The following GRM5 variants were observed in gnomAD, a reference collection of about 807,000 sequenced individuals.
GRM5 encodes the protein metabotropic glutamate receptor 5.
GRM5 carries 19 observed loss-of-function variants against 83.1 expected under a neutral mutation model. The ratio of observed to expected loss-of-function variants is 0.23; its 90% CI spans 0.16 to 0.34. The LOEUF (loss-of-function observed/expected upper bound fraction) is 0.34. Ranked by LOEUF, GRM5 falls within the 10% of genes least tolerant of loss-of-function variation. The pLI is 1.00. For synonymous variants in GRM5, 675 were observed against 633.6 expected (o/e 1.07, Z -0.98); for missense variants, 1,160 against 1,588.3 (o/e 0.73, Z 4.58).
At position 88,882,248 on chromosome 11, in the gene GRM5, G is replaced by GTAAGTAAATAAA. The variant is rs1555033917; in HGVS notation, c.662-32094_662-32093insTTTATTTACTTA. On this transcript the variant is annotated intron_variant, in intron 2 of 9. Transcript: ENST00000305447. The stretch of plus-strand genomic sequence containing the variant: ...TGACACTCTGAATCAAAATAAGTAA[G>GTAAGTAAATAAA]TAAATAAATAAATAAATAAATAATA... Among the ~76,000 whole-genome samples, 392 of 143,982 alleles carry GTAAGTAAATAAA rather than the reference G, an allele frequency of 2.7e-3. 2 individuals are homozygous for GTAAGTAAATAAA. The highest frequency in any genetic ancestry group is 7.2e-3 in the Middle Eastern group (2 of 278). 94.5% of individuals were successfully genotyped at this position (143,982 alleles called of 152,430 possible). A position where few individuals can be genotyped will look rare whatever the true frequency, so the allele number is the denominator to read the frequency against.
At chr11:88,875,416 A>G (rs1386470127) in intron 2 of GRM5, among the ~76,000 whole-genome samples, 1 of 151,988 alleles carries the variant, frequency 6.6e-6, no homozygotes, top group Non-Finnish European at 1.5e-5. Flanking sequence ...CCACATCTGT[A>G]GTTAATTCTT....
intron 3 of GRM5, among the ~76,000 whole-genome samples, chr11:88,722,616 A>G (rs1941573941): frequency 6.6e-6 from 1 of 152,178 alleles, no homozygotes; most frequent in Non-Finnish European, 1.5e-5. Flanking sequence ...AAAAAGCTAG[A>G]CATATACTAT....
intron 2 of GRM5, among the ~76,000 whole-genome samples, chr11:89,017,122 A>G (rs1940878319): frequency 6.6e-6 from 1 of 152,134 alleles, no homozygotes; most frequent in Non-Finnish European, 1.5e-5. Flanking sequence ...CATAGAATAA[A>G]CTATATATAA....
At chr11:88,811,259 C>T (rs1030548594) in intron 3 of GRM5, among the ~76,000 whole-genome samples, 5 of 151,928 alleles carry the variant, frequency 3.3e-5, no homozygotes, top group African/African-American at 1.2e-4. Context: ...TTTTGGAAAA[C>T]ATTCTGAACA....
chr11:89,053,221 A>T (rs149911989), intron 1 of GRM5, among the ~76,000 whole-genome samples: 2,068 of 152,296 alleles, frequency 0.014, 52 homozygotes, highest in African/African-American at 0.046. Context: ...GTTATCTAGT[A>T]CAAGTGTATT....
At chr11:88,983,055 A>C (rs1388098771) in intron 2 of GRM5, among the ~76,000 whole-genome samples, 1 of 150,918 alleles carries the variant, frequency 6.6e-6, no homozygotes, top group Non-Finnish European at 1.5e-5. Context: ...AACGAGAGCG[A>C]AACTCCGTCA....
chr11:88,562,397 T>C (rs1942777597), intron 8 of GRM5, among the ~76,000 whole-genome samples: 1 of 152,282 alleles, frequency 6.6e-6, no homozygotes, highest in Admixed American at 6.5e-5. Flanking sequence ...CATGAAACAA[T>C]AGGCAAGTAT....
At chr11:88,814,886 T>A (rs1943644566) in intron 3 of GRM5, among the ~76,000 whole-genome samples, 1 of 152,134 alleles carries the variant, frequency 6.6e-6, no homozygotes, top group Non-Finnish European at 1.5e-5. Flanking sequence ...AGTAGTAGAA[T>A]AATCCTAATC....
chr11:89,000,089 G>C (rs1039311103), intron 2 of GRM5, among the ~76,000 whole-genome samples: 1 of 152,132 alleles, frequency 6.6e-6, no homozygotes, highest in African/African-American at 2.4e-5. Flanking sequence ...GGCCTGTTGT[G>C]GGGTGAGGGG....
At chr11:89,019,498 C>G (rs1248352311) in intron 2 of GRM5, among the ~76,000 whole-genome samples, 1 of 150,966 alleles carries the variant, frequency 6.6e-6, no homozygotes, top group African/African-American at 2.4e-5. Context: ...AGTTCAAGAC[C>G]AGCCTGACCA....
chr11:88,699,732 C>T (rs943624676), intron 3 of GRM5, among the ~76,000 whole-genome samples: 1 of 90,222 alleles, frequency 1.1e-5, no homozygotes, highest in Non-Finnish European at 2.3e-5. Flanking sequence ...CTAGTAGACA[C>T]TAATTTGCTG....
At position 88,507,098 on chromosome 11, in the gene GRM5, T is replaced by C. The variant is rs1941201129; in HGVS notation, c.*1494A>G. On this transcript the variant is annotated 3_prime_UTR_variant, in exon 10 of 10. Coordinates refer to ENST00000305447, the MANE Select transcript of GRM5 (RefSeq NM_001143831.3). ...AGAAAGAGATGACAGTGGATTCAGG[T>C]CTTGAACTATGAATTCTACCTATTT... 2.0e-5 allele frequency: 3 copies of C among 152,166 alleles called. No individual in the cohort carries two copies. Among genetic ancestry groups the C allele is most frequent in the East Asian group, 3.8e-4 (2 of 5,196 alleles). 9.4% of individuals were successfully genotyped at this position (152,166 alleles called of 1,614,324 possible).
chr11:88,625,844 A>G (rs996076333), intron 4 of GRM5, among the ~76,000 whole-genome samples: 1 of 152,172 alleles, frequency 6.6e-6, no homozygotes, highest in Admixed American at 6.5e-5. Flanking sequence ...CACAAATCCA[A>G]ACTCTTCCTA....
chr11:88,897,454 G>A (rs1007176741), intron 2 of GRM5, among the ~76,000 whole-genome samples: 4 of 151,734 alleles, frequency 2.6e-5, no homozygotes, highest in Admixed American at 6.6e-5. Flanking sequence ...CATGTTTTGG[G>A]CAACTACTCT....
intron 8 of GRM5, among the ~76,000 whole-genome samples, chr11:88,549,699 C>A (rs1055830753): frequency 6.6e-6 from 1 of 151,878 alleles, no homozygotes; most frequent in African/African-American, 2.4e-5. Context: ...CTTGATGTAG[C>A]AGACTGGTGG....
At chr11:88,856,930 T>C (rs1944488303) in intron 2 of GRM5, among the ~76,000 whole-genome samples, 1 of 152,080 alleles carries the variant, frequency 6.6e-6, no homozygotes, top group African/African-American at 2.4e-5. Flanking sequence ...CAAAGACTGA[T>C]TGTGTAACAC....
chr11:88,942,333 GGGATATATGAGTATATATTGTAC>G (rs1938143059), intron 2 of GRM5, among the ~76,000 whole-genome samples: 1 of 152,000 alleles, frequency 6.6e-6, no homozygotes, highest in African/African-American at 2.4e-5. Flanking sequence ...AGCTTGGTGA[GGGATATATGAGTATATATTGTAC>G]CATTCTTTCA....
rs571883467 is a variant in GRM5, at chr11:88,819,982, G to A, written c.911+29924C>T. Among the ~76,000 whole-genome samples the A allele has an allele frequency of 5.7e-4, 87 of 152,206 alleles. 1 individual carries two copies. The South Asian group carries it at 0.018, about 31-fold the overall frequency. The stretch of plus-strand genomic sequence containing the variant: ...TAATTAATCTATTCATGAGCTCAAA[G>A]CCCTTATGACCTAATCACCTCTTAA... On this transcript the variant is annotated intron_variant, in intron 3 of 9. Coordinates refer to ENST00000305447, the MANE Select transcript of GRM5 (RefSeq NM_001143831.3).
intron 9 of GRM5, among the ~76,000 whole-genome samples, chr11:88,520,635 T>A (rs2135097544): frequency 6.6e-6 from 1 of 152,062 alleles, no homozygotes; most frequent in South Asian, 2.1e-4. Context: ...CATATCTTGG[T>A]CATCCATTTA....
Sources: allele counts gnomAD v4.1 joint callset (sites outside exome capture counted in the v4.1 genomes callset), GRCh38; gene constraint gnomAD v4.1.1; transcripts MANE v1.5; gene names NCBI Gene and HGNC (gene_info 2026-07-23, HGNC 2026-07-21).